The following TMPRSS2 variants were observed in gnomAD, a reference collection of about 807,000 sequenced individuals.
TMPRSS2 encodes transmembrane serine protease 2.
Under a neutral mutation model 67.4 loss-of-function variants are expected in TMPRSS2, and 59 were observed. That is an observed-to-expected ratio of 0.88 (90% CI 0.71 to 1.09). The LOEUF is 1.09. Among genes scored for constraint, TMPRSS2 ranks in the 50% least tolerant of loss-of-function variants. TMPRSS2 has a pLI of 0.00. For synonymous variants in TMPRSS2, 257 were observed against 257.0 expected (o/e 1.00, Z 0.00); for missense variants, 668 against 642.7 (o/e 1.04, Z -0.43).
At position 41,489,527 on chromosome 21, in the gene TMPRSS2, G is replaced by A; in HGVS notation, c.305C>T (p.Ala102Val). 1.2e-6 allele frequency: 2 copies of A among 1,614,142 alleles called. No individual in the cohort carries two copies. The highest frequency in any genetic ancestry group is 2.7e-5 in the African/African-American group (2 of 75,048). The change falls in exon 4 of 14, where the codon GCT becomes GTT. Residue 102 changes from alanine to valine, a missense_variant. Transcript: ENST00000332149. ...CTTACTGAACTTCCAGAGTAGGCCA[G>A]CGGCCAGCGCAGCTCCCACGAGGAA... ...GTFLVGAALA[A>V]GLLWKFMGSK...
At chr21:41,500,638 A>G (rs764169961) in intron 1 of TMPRSS2, among the ~76,000 whole-genome samples, 1 of 152,258 alleles carries the variant, frequency 6.6e-6, no homozygotes, top group Non-Finnish European at 1.5e-5. Flanking sequence ...AGATAAAAAT[A>G]CAAGAACCAG....
At chr21:41,502,771 A>C (rs1236917062) in intron 1 of TMPRSS2, among the ~76,000 whole-genome samples, 1 of 152,206 alleles carries the variant, frequency 6.6e-6, no homozygotes, top group Non-Finnish European at 1.5e-5. Context: ...TTGAGCGAGA[A>C]ACAGAAAGAT....
intron 5 of TMPRSS2, among the ~76,000 whole-genome samples, chr21:41,483,007 G>A (rs186840155): frequency 1.3e-5 from 2 of 152,274 alleles, no homozygotes; most frequent in African/African-American, 4.8e-5. Flanking sequence ...TACTCTGGAC[G>A]ATACTATCAT....
At chr21:41,493,324 T>G (rs1413767234) in intron 3 of TMPRSS2, among the ~76,000 whole-genome samples, 1 of 151,404 alleles carries the variant, frequency 6.6e-6, no homozygotes, top group African/African-American at 2.4e-5. Context: ...AGGAGGTGGC[T>G]GGAGAGGAAC....
chr21:41,481,235 G>C (rs937048657), intron 5 of TMPRSS2, among the ~76,000 whole-genome samples: 1 of 150,348 alleles, frequency 6.7e-6, no homozygotes, highest in Non-Finnish European at 1.5e-5. Context: ...ATACACAATG[G>C]AATACGATTC....
At chr21:41,499,977 G>A (rs965418229) in intron 1 of TMPRSS2, among the ~76,000 whole-genome samples, 3 of 152,154 alleles carry the variant, frequency 2.0e-5, no homozygotes, top group Admixed American at 6.5e-5. Context: ...TCTGGGCTTC[G>A]GACCTGGCCA....
At chr21:41,488,647 T>C in intron 4 of TMPRSS2, 134 bp from the exon 5 acceptor site, 1 of 1,109,768 alleles carries the variant, frequency 9.0e-7, no homozygotes, top group Non-Finnish European at 1.3e-6. Flanking sequence ...TTTGTTTTGT[T>C]TTGTTTTTGA....
intron 1 of TMPRSS2, among the ~76,000 whole-genome samples, chr21:41,500,645 C>G (rs556654990): frequency 6.6e-6 from 1 of 152,290 alleles, no homozygotes; most frequent in South Asian, 2.1e-4. Flanking sequence ...AATACAAGAA[C>G]CAGGTCATGT....
chr21:41,471,889 ACTT>A lies in TMPRSS2; in HGVS notation c.989_991del (p.Lys330_Val331delinsMet). On this transcript the variant is annotated inframe_deletion, in exon 10 of 14. Coordinates refer to ENST00000332149, the MANE Select transcript of TMPRSS2 (RefSeq NM_005656.4). ...GGAGTCATAATTTGGATGAGAAATCACTTTTTCTACTTGGTATCCGGCTCCATA... is the reference window on the plus strand; with the variant it reads ...GGAGTCATAATTTGGATGAGAAATCATTTCTACTTGGTATCCGGCTCCATA... 1 of 1,613,610 alleles carries A rather than the reference ACTT, an allele frequency of 6.2e-7. No individual in the cohort carries two copies.
At position 41,493,369 on chromosome 21, in the gene TMPRSS2, T is replaced by A. The variant is rs112517486; in HGVS notation, c.238+987A>T. Among the ~76,000 whole-genome samples the A allele has an allele frequency of 3.8e-3, 558 of 146,092 alleles. 5 individuals are homozygous for A. The highest frequency in any genetic ancestry group is 0.014 in the African/African-American group (529 of 39,092). ...GAGCCATTTGTGAAGGGTGAGGGGG[T>A]GAGAGGAGGGGTAGAAACGCAGGAG... On this transcript the variant is annotated intron_variant, in intron 3 of 13. Transcript: ENST00000332149.
chr21:41,483,499 C>G (rs1419428929), intron 5 of TMPRSS2, among the ~76,000 whole-genome samples: 2 of 152,032 alleles, frequency 1.3e-5, no homozygotes, highest in African/African-American at 4.8e-5. Context: ...TCAGGCTGGT[C>G]TCGAACTCCT....
chr21:41,481,674 G>T (rs1023971743), intron 5 of TMPRSS2, among the ~76,000 whole-genome samples: 1 of 151,932 alleles, frequency 6.6e-6, no homozygotes, highest in Non-Finnish European at 1.5e-5. Flanking sequence ...ATCTCAATAA[G>T]CTATTTCATA....
intron 12 of TMPRSS2, 80 bp downstream of exon 12, chr21:41,468,316 C>G (rs546828409): frequency 1.9e-6 from 3 of 1,563,990 alleles, no homozygotes; most frequent in South Asian, 2.4e-5. Flanking sequence ...GCTCTGCTGA[C>G]CCCAAGAATG....
At position 41,478,656 on chromosome 21, in the gene TMPRSS2, T is replaced by A. The variant is rs2091234226; in HGVS notation, c.683+516A>T. 6.6e-6 allele frequency among the ~76,000 whole-genome samples: 1 copy of A among 152,040 alleles called. No homozygotes were observed. The highest frequency in any genetic ancestry group is 2.4e-5 in the African/African-American group (1 of 41,380). On this transcript the variant is annotated intron_variant, in intron 7 of 13. Transcript: ENST00000332149. This position sits in a 1 kb window ranked among gnomAD's most constrained non-coding sequence, Gnocchi z 4.0. ...TCCCAGGCCGCCAGAATGCTGCCCA[T>A]CCCTCACAGAGCACCCTCTGGCACT... is the stretch of plus-strand genomic sequence containing the variant.
At chr21:41,480,388 C>T (rs541387461) in intron 6 of TMPRSS2, 88 bp downstream of exon 6, 82 of 1,560,580 alleles carry the variant, frequency 5.3e-5, no homozygotes, top group South Asian at 8.4e-5. Context: ...ACTCATGTGC[C>T]GGTGCTTTCA....
chr21:41,467,575 ACAC>A (rs1202818022), intron 13 of TMPRSS2, among the ~76,000 whole-genome samples, 156 bp downstream of exon 13: 1 of 152,102 alleles, frequency 6.6e-6, no homozygotes, highest in Non-Finnish European at 1.5e-5. Flanking sequence ...CAATGGGTGG[ACAC>A]TGGGGGGATG....
At position 41,480,492 on chromosome 21, in the gene TMPRSS2, T is replaced by C. The variant is rs2146451704; in HGVS notation, c.556A>G (p.Arg186Gly). 1 of 1,613,672 alleles carries C rather than the reference T, an allele frequency of 6.2e-7. No homozygotes were observed. Among genetic ancestry groups the C allele is most frequent in the Non-Finnish European group, 8.5e-7 (1 of 1,180,030 alleles). Residue 186 changes from arginine to glycine, a missense_variant, in exon 6 of 14, where the codon AGG becomes GGG. By Grantham distance (125) the Arg-to-Gly change is moderately radical. Transcript: ENST00000332149. Reference sequence around the variant, plus strand: ...CATACTCACTTATAGCCCATGTCCCTGCAGGCCGCCCGCCCGTAGTTCTCG... The same window carrying C: ...CATACTCACTTATAGCCCATGTCCCCGCAGGCCGCCCGCCCGTAGTTCTCG... ...WNENYGRAAC[R>G]DMGYKNNFYS... is the part of the protein sequence containing the mutation.
intron 5 of TMPRSS2, among the ~76,000 whole-genome samples, chr21:41,482,884 G>T (rs775921132): frequency 1.3e-5 from 2 of 152,196 alleles, no homozygotes; most frequent in African/African-American, 4.8e-5. Context: ...TGATTCCAAC[G>T]CTACAACATC....
chr21:41,468,902 C>T (rs7283324), intron 11 of TMPRSS2: 60,236 of 221,488 alleles, frequency 0.27, 9,158 homozygotes, highest in East Asian at 0.4. Context: ...CACACAGGCG[C>T]CTGTTTCCCC....
Sources: gnomAD v4.1 joint callset for allele counts (sites outside exome capture counted in the v4.1 genomes callset) on GRCh38, gnomAD v4.1.1 for gene constraint, Gnocchi (gnomAD v3.1) non-coding constraint, MANE v1.5 for transcripts, NCBI Gene and HGNC (gene_info 2026-07-23, HGNC 2026-07-21) for gene names.